PDZRN4: variants seen among roughly 807,000 people sequenced by gnomAD.
The protein encoded by PDZRN4 is PDZ domain containing ring finger 4.
Under a neutral mutation model 99.0 loss-of-function variants are expected in PDZRN4, and 70 were observed. The observed-to-expected ratio is 0.71, with a 90% CI of 0.58 to 0.86. PDZRN4 has a LOEUF of 0.86. Among genes scored for constraint, PDZRN4 ranks in the 40% least tolerant of loss-of-function variants. The pLI is 0.00. For synonymous variants in PDZRN4, 551 were observed against 501.6 expected (o/e 1.10, Z -1.32); for missense variants, 1,474 against 1,331.2 (o/e 1.11, Z -1.67).
intron 3 of PDZRN4, among the ~76,000 whole-genome samples, chr12:41,256,416 G>A (rs1009490305): frequency 6.6e-6 from 1 of 152,150 alleles, no homozygotes; most frequent in Non-Finnish European, 1.5e-5. Context: ...TATCCTCTGA[G>A]ATTATGTCTC....
intron 5 of PDZRN4, among the ~76,000 whole-genome samples, chr12:41,539,084 G>A (rs1938800476): frequency 6.6e-6 from 1 of 151,744 alleles, no homozygotes; most frequent in Non-Finnish European, 1.5e-5. Context: ...ATGCCAATAA[G>A]TGATATATGT....
At chr12:41,219,840 T>C (rs555466015) in intron 3 of PDZRN4, among the ~76,000 whole-genome samples, 87 of 152,266 alleles carry the variant, frequency 5.7e-4, no homozygotes, top group African/African-American at 1.9e-3. Flanking sequence ...TCAGCAACAA[T>C]TTTAAGCTGC....
At chr12:41,307,675 ATT>A (rs1951580964) in intron 3 of PDZRN4, among the ~76,000 whole-genome samples, 2 of 150,244 alleles carry the variant, frequency 1.3e-5, no homozygotes, top group Non-Finnish European at 3.0e-5. Flanking sequence ...AAAATGTGGT[ATT>A]TTTTTCTTAC....
At chr12:41,249,472 G>C (rs749272404) in intron 3 of PDZRN4, among the ~76,000 whole-genome samples, 48 of 152,160 alleles carry the variant, frequency 3.2e-4, no homozygotes, top group Non-Finnish European at 6.3e-4. Context: ...ATGTACTGCT[G>C]TAAAGCCTGT....
chr12:41,517,086 C>T (rs1205005311), intron 5 of PDZRN4, among the ~76,000 whole-genome samples: 1 of 151,986 alleles, frequency 6.6e-6, no homozygotes, highest in Non-Finnish European at 1.5e-5. Flanking sequence ...ATTAGTATTG[C>T]TATTAATTTG....
rs1334395473 is a variant in PDZRN4 at position 41,445,543 on chromosome 12, A to AT, written c.844-60910dup. Among the ~76,000 whole-genome samples, 7 of 152,090 alleles carry AT rather than the reference A, an allele frequency of 4.6e-5. No individual in the cohort carries two copies. The East Asian group carries it at 1.3e-3, about 29-fold the overall frequency. On this transcript the variant is annotated intron_variant, in intron 3 of 9. Coordinates refer to ENST00000402685, the MANE Select transcript of PDZRN4 (RefSeq NM_001164595.2). Reference sequence around the variant, plus strand: ...TTCATATATTGAATTTTCACAAGTCATTTAATAGGTATGCAATCAATCTGA... The same window carrying AT: ...TTCATATATTGAATTTTCACAAGTCATTTTAATAGGTATGCAATCAATCTGA...
At chr12:41,443,687 T>C (rs182660037) in intron 3 of PDZRN4, among the ~76,000 whole-genome samples, 1 of 152,070 alleles carries the variant, frequency 6.6e-6, no homozygotes, top group Admixed American at 6.6e-5. Flanking sequence ...AAAAGGAGAA[T>C]AAAAGTGAGG....
chr12:41,560,679 G>T (rs920003306), intron 7 of PDZRN4, among the ~76,000 whole-genome samples: 3 of 151,998 alleles, frequency 2.0e-5, no homozygotes, highest in African/African-American at 7.3e-5. Flanking sequence ...TATTTTCCTG[G>T]CACAGCAGGC....
intron 3 of PDZRN4, among the ~76,000 whole-genome samples, chr12:41,491,216 G>A (rs891847675): frequency 2.0e-5 from 3 of 151,900 alleles, no homozygotes; most frequent in Admixed American, 6.6e-5. Context: ...TGAAAATTGG[G>A]ACAAATAAGG....
chr12:41,474,060 C>T (rs1223620162), intron 3 of PDZRN4, among the ~76,000 whole-genome samples: 1 of 152,128 alleles, frequency 6.6e-6, no homozygotes, highest in Non-Finnish European at 1.5e-5. Flanking sequence ...TGCCTATGGC[C>T]TGTGAAGAGG....
intron 3 of PDZRN4, among the ~76,000 whole-genome samples, chr12:41,287,825 T>G (rs2120900973): frequency 6.6e-6 from 1 of 152,308 alleles, no homozygotes; most frequent in South Asian, 2.1e-4. Flanking sequence ...TGAATTTGGG[T>G]AGAAAATTAA....
intron 5 of PDZRN4, among the ~76,000 whole-genome samples, chr12:41,520,858 A>T (rs1025185397): frequency 6.6e-6 from 1 of 152,148 alleles, no homozygotes; most frequent in Non-Finnish European, 1.5e-5. Flanking sequence ...CATAAATGAA[A>T]CAGATTAGGA....
chr12:41,538,239 G>A (rs1938783399), intron 5 of PDZRN4, among the ~76,000 whole-genome samples: 1 of 151,956 alleles, frequency 6.6e-6, no homozygotes, highest in Non-Finnish European at 1.5e-5. Flanking sequence ...AGCAACTAGA[G>A]CTAACTACTA....
At chr12:41,304,953 G>T (rs1431748702) in intron 3 of PDZRN4, among the ~76,000 whole-genome samples, 1 of 152,188 alleles carries the variant, frequency 6.6e-6, no homozygotes, top group African/African-American at 2.4e-5. Context: ...TGACTATTAG[G>T]TGGGCTAAAA....
intron 3 of PDZRN4, among the ~76,000 whole-genome samples, chr12:41,463,347 CT>C (rs1952890414): frequency 6.6e-6 from 1 of 152,124 alleles, no homozygotes. Context: ...ACTATACTTT[CT>C]TTAAATCTGT....
intron 5 of PDZRN4, among the ~76,000 whole-genome samples, chr12:41,538,547 T>A (rs1234606193): frequency 6.6e-6 from 1 of 152,184 alleles, no homozygotes; most frequent in African/African-American, 2.4e-5. Context: ...ATGCAGTGAT[T>A]GAAATTAATT....
intron 3 of PDZRN4, among the ~76,000 whole-genome samples, chr12:41,213,572 C>T (rs1466333588): frequency 6.6e-6 from 1 of 152,026 alleles, no homozygotes; most frequent in African/African-American, 2.4e-5. Context: ...CCTCTTTCTG[C>T]TTATCACTAG....
intron 3 of PDZRN4, among the ~76,000 whole-genome samples, chr12:41,310,655 C>A (rs1171800810): frequency 6.6e-6 from 1 of 152,040 alleles, no homozygotes; most frequent in East Asian, 1.9e-4. Context: ...GGATGAAGGA[C>A]AAAAATATTT....
At chr12:41,490,349 C>T (rs1051313007) in intron 3 of PDZRN4, among the ~76,000 whole-genome samples, 6 of 152,090 alleles carry the variant, frequency 3.9e-5, no homozygotes, top group Admixed American at 6.6e-5. Context: ...GAATCCAAGG[C>T]TTTTTGTGTA....
Sources: gnomAD v4.1 joint callset for allele counts (sites outside exome capture counted in the v4.1 genomes callset) on GRCh38, gnomAD v4.1.1 for gene constraint, MANE v1.5 for transcripts, NCBI Gene and HGNC (gene_info 2026-07-23, HGNC 2026-07-21) for gene names.